Variants in PIKFYVE observed in about 807,000 individuals in gnomAD.
The protein encoded by PIKFYVE is 1-phosphatidylinositol 3-phosphate 5-kinase.
A neutral mutation model predicts 257.9 loss-of-function variants in PIKFYVE; 122 were observed. The ratio of observed to expected loss-of-function variants is 0.47; its 90% CI spans 0.41 to 0.55. The LOEUF is 0.55. Ranked by LOEUF, PIKFYVE falls within the 20% of genes least tolerant of loss-of-function variation. PIKFYVE has a pLI of 0.00. For synonymous variants in PIKFYVE, 892 were observed against 868.9 expected (o/e 1.03, Z -0.47); for missense variants, 2,160 against 2,536.6 (o/e 0.85, Z 3.19).
chr2:208,272,794 TAAAAAA>T (rs533758485), intron 2 of PIKFYVE, among the ~76,000 whole-genome samples: 3 of 147,018 alleles, frequency 2.0e-5, no homozygotes, highest in African/African-American at 7.4e-5. Flanking sequence ...CAATGATACT[TAAAAAA>T]AAAAACTATT....
intron 5 of PIKFYVE, among the ~76,000 whole-genome samples, chr2:208,281,895 AT>A (rs1342037935): frequency 2.0e-5 from 3 of 152,170 alleles, no homozygotes; most frequent in African/African-American, 7.2e-5. Context: ...TGTTGTTCTG[AT>A]TTTTAACAAT....
intron 36 of PIKFYVE, 24 bp from the exon 37 acceptor site, chr2:208,350,747 T>C (rs780086362): frequency 9.3e-6 from 15 of 1,612,922 alleles, no homozygotes; most frequent in Non-Finnish European, 1.2e-5. Context: ...TAAAGCTTTT[T>C]AAAAAAACTT....
chr2:208,294,389 A>G (rs1692701018), intron 7 of PIKFYVE, among the ~76,000 whole-genome samples: 1 of 152,204 alleles, frequency 6.6e-6, no homozygotes. Context: ...GATAATTCCC[A>G]CATTCATGTT....
intron 7 of PIKFYVE, among the ~76,000 whole-genome samples, chr2:208,290,931 A>G (rs1350848393): frequency 6.6e-6 from 1 of 152,156 alleles, no homozygotes; most frequent in Non-Finnish European, 1.5e-5. Flanking sequence ...TTCTATATAA[A>G]CAGTCTTGTC....
At position 208,331,618 on chromosome 2, in the gene PIKFYVE, C is replaced by T. The variant is rs115721169; in HGVS notation, c.3963+924C>T. 8.5e-3 allele frequency among the ~76,000 whole-genome samples: 1,290 copies of T among 152,296 alleles called. 25 individuals carry two copies. Among genetic ancestry groups the T allele is most frequent in the African/African-American group, 0.029 (1,209 of 41,548 alleles). On this transcript the variant is annotated intron_variant, in intron 23 of 41. Transcript: ENST00000264380. ...TCTCAAACTCCTGACCTCGGGTGAT[C>T]GCCCACCTTGGCCTCCCAAAGTGTT...
intron 7 of PIKFYVE, among the ~76,000 whole-genome samples, chr2:208,293,873 T>C (rs887357546): frequency 1.3e-5 from 2 of 152,240 alleles, no homozygotes; most frequent in African/African-American, 4.8e-5. Flanking sequence ...GCCATTTGAA[T>C]ACACTTAGTT....
chr2:208,344,924 C>T (rs995202149), intron 32 of PIKFYVE, among the ~76,000 whole-genome samples, 187 bp from the exon 33 acceptor site: 3 of 152,052 alleles, frequency 2.0e-5, no homozygotes, highest in African/African-American at 7.2e-5. Context: ...GTATTACCTT[C>T]TATGAAGACA....
At chr2:208,340,235 T>A in intron 31 of PIKFYVE, 104 bp downstream of exon 31, 1 of 1,401,890 alleles carries the variant, frequency 7.1e-7, no homozygotes, top group South Asian at 1.2e-5. Context: ...TTTTCAATCC[T>A]AAATTTTATT....
chr2:208,335,654 C>T lies in PIKFYVE; in HGVS notation c.4257-139C>T. Reference sequence around the variant, plus strand: ...TACATCCTTTTAGGTCTTATTTACTCTGCAAAACTGTATGTAATTCTTAAT... The same window carrying T: ...TACATCCTTTTAGGTCTTATTTACTTTGCAAAACTGTATGTAATTCTTAAT... On this transcript the variant is annotated intron_variant, in intron 25 of 41. Transcript: ENST00000264380. 12 of 830,748 alleles carry T rather than the reference C, an allele frequency of 1.4e-5. No homozygotes were observed. In the South Asian group the frequency reaches 1.9e-4, roughly 13 times the overall value. The allele number at this position is 830,748 out of a possible 1,614,324, so 51.5% of individuals were successfully genotyped here.
chr2:208,282,508 C>T (rs1303286782), intron 5 of PIKFYVE, among the ~76,000 whole-genome samples: 1 of 152,236 alleles, frequency 6.6e-6, no homozygotes, highest in Non-Finnish European at 1.5e-5. Context: ...AGGCTGGAAA[C>T]TCCTACAGGA....
At position 208,273,723 on chromosome 2, in the gene PIKFYVE, T is replaced by C. The variant is rs910692385; in HGVS notation, c.312T>C (p.Ser104=). ...KQLNEELQRR[S]SALDTRRKAE... ...TTAATGAGGAACTCCAGCGGCGCTC[T>C]TCAGCATTAGGTAAAACAGTGTTCT... is the stretch of plus-strand genomic sequence containing the variant. The change falls in exon 3 of 42, where the codon TCT becomes TCC. Residue 104 remains serine (S), a synonymous_variant. Coordinates refer to ENST00000264380, the MANE Select transcript of PIKFYVE (RefSeq NM_015040.4). 1.2e-6 allele frequency: 2 copies of C among 1,614,098 alleles called. No individual in the cohort carries two copies. Among genetic ancestry groups the C allele is most frequent in the Non-Finnish European group, 1.7e-6 (2 of 1,180,042 alleles).
In PIKFYVE at chr2:208,350,141, CTAT is replaced by C. The variant is rs1699642351; in HGVS notation, c.5434+63_5434+65del. On this transcript the variant is annotated intron_variant, in intron 36 of 41. Coordinates refer to ENST00000264380, the MANE Select transcript of PIKFYVE (RefSeq NM_015040.4). ...GAGAGGGACTACAGTTGAGCCATCTCTATTATTTGAGAATTCTAGCTTCATACT... is the reference window on the plus strand; with the variant it reads ...GAGAGGGACTACAGTTGAGCCATCTCTATTTGAGAATTCTAGCTTCATACT... The C allele has an allele frequency of 9.4e-6, 15 of 1,597,364 alleles. No individual in the cohort carries two copies. The East Asian group carries it at 3.4e-4, about 36-fold the overall frequency.
intron 8 of PIKFYVE, 152 bp from the exon 9 acceptor site, chr2:208,300,785 A>T: frequency 1.1e-6 from 1 of 915,988 alleles, no homozygotes; most frequent in Non-Finnish European, 1.7e-6. Flanking sequence ...GTTCCCACGT[A>T]TATGACATTT....
chr2:208,311,466 G>A (rs1356457721), intron 12 of PIKFYVE, among the ~76,000 whole-genome samples: 2 of 152,050 alleles, frequency 1.3e-5, no homozygotes, highest in Non-Finnish European at 2.9e-5. Flanking sequence ...ATCCTTTACC[G>A]TAAAGGAGTT....
chr2:208,351,658 G>A (rs1203649614), intron 38 of PIKFYVE, among the ~76,000 whole-genome samples: 6 of 152,098 alleles, frequency 3.9e-5, no homozygotes, highest in African/African-American at 1.2e-4. Flanking sequence ...TCTGGTGAGG[G>A]CCTCAGGAAG....
intron 15 of PIKFYVE, 118 bp downstream of exon 15, chr2:208,315,491 T>C: frequency 1.7e-6 from 2 of 1,211,666 alleles, no homozygotes; most frequent in Admixed American, 2.3e-5. Flanking sequence ...AGGTGAGGAG[T>C]AGGAGGTTTT....
intron 15 of PIKFYVE, among the ~76,000 whole-genome samples, chr2:208,315,734 A>G (rs1355798437): frequency 6.6e-6 from 1 of 152,166 alleles, no homozygotes; most frequent in South Asian, 2.1e-4. Flanking sequence ...ATTTAGATCA[A>G]GCTTGTCCCA....
At chr2:208,267,139 T>C (rs1029949909) in intron 1 of PIKFYVE, among the ~76,000 whole-genome samples, 16 of 152,352 alleles carry the variant, frequency 1.1e-4, no homozygotes, top group African/African-American at 3.8e-4. Flanking sequence ...CATGATTCAT[T>C]ATCTACTATT....
Position 208,352,730 on chromosome 2 carries a change from A to AT in PIKFYVE, c.5792_5793insT (p.Lys1931AsnfsTer21), listed in dbSNP as rs753867346. The stretch of plus-strand genomic sequence containing the variant: ...AACTCTCAGAACAACACTGAGAAGA[A>AT]GTTAGATCTCCTTGTCATGGAAAAT... On this transcript the variant is annotated frameshift_variant, in exon 39 of 42. Coordinates refer to ENST00000264380, the MANE Select transcript of PIKFYVE (RefSeq NM_015040.4). LOFTEE classifies it high-confidence loss of function. 1.2e-6 allele frequency: 2 copies of AT among 1,613,820 alleles called. No homozygotes were observed. The highest frequency in any genetic ancestry group is 1.7e-6 in the Non-Finnish European group (2 of 1,179,792).
Sources: allele counts gnomAD v4.1 joint callset (sites outside exome capture counted in the v4.1 genomes callset), GRCh38; gene constraint gnomAD v4.1.1; transcripts MANE v1.5; gene names NCBI Gene and HGNC (gene_info 2026-07-23, HGNC 2026-07-21).